The following TENM2 variants were observed in gnomAD, a reference collection of about 807,000 sequenced individuals.
TENM2 encodes teneurin-2.
TENM2 carries 52 observed loss-of-function variants against 245.2 expected under a neutral mutation model. The observed-to-expected ratio is 0.21, with a 90% CI of 0.17 to 0.27. The LOEUF (loss-of-function observed/expected upper bound fraction) is 0.27. TENM2 is among the 10% of genes least tolerant of loss of function. TENM2 has a pLI of 1.00. For missense variants in TENM2, 3,046 were observed against 3,666.8 expected (o/e 0.83, Z 4.37); for synonymous variants, 1,363 against 1,438.9 (o/e 0.95, Z 1.19).
At chr5:167,755,056 G>A in intron 2 of TENM2, 1 of 1,597,546 alleles carries the variant, frequency 6.3e-7, no homozygotes, top group Non-Finnish European at 8.5e-7. Context: ...TTACGCCGAT[G>A]GTGAGCCCAC....
rs1766972035 is a variant in TENM2 at position 168,250,107 on chromosome 5, GAT to G, written c.7432+1737_7432+1738del. ...GGATGGCTGGCTGGCTGGATGAGTG[GAT>G]GGATGGATGGATGGATGGATGGATG... On this transcript the variant is annotated intron_variant, in intron 27 of 28. Coordinates refer to ENST00000518659, the Ensembl canonical transcript of TENM2. Among the ~76,000 whole-genome samples the G allele has an allele frequency of 4.0e-3, 7 of 1,768 alleles. No homozygotes were observed. The East Asian group carries it at 0.067, about 17-fold the overall frequency. 1.2% of individuals were successfully genotyped at this position (1,768 alleles called of 152,430 possible).
chr5:167,042,211 T>C, the TENM2 span, among the ~76,000 whole-genome samples: 1 of 152,250 alleles, frequency 6.6e-6, no homozygotes, highest in Non-Finnish European at 1.5e-5. Flanking sequence ...ATTATAGTAG[T>C]GTTCCTTTCG....
At chr5:168,198,818 C>G in intron 15 of TENM2, 35 bp from the exon 18 acceptor site, 2 of 1,602,748 alleles carry the variant, frequency 1.2e-6, no homozygotes, top group African/African-American at 1.3e-5. Context: ...AAAAGTGAGT[C>G]TACCCCCTCA....
At chr5:168,061,400 A>C (rs1449730993) in intron 6 of TENM2, among the ~76,000 whole-genome samples, 1 of 152,166 alleles carries the variant, frequency 6.6e-6, no homozygotes, top group Non-Finnish European at 1.5e-5. Flanking sequence ...TTAAAAATAG[A>C]TATTTTTGGA....
the TENM2 span, among the ~76,000 whole-genome samples, chr5:167,163,565 G>A: frequency 6.6e-5 from 10 of 151,640 alleles, no homozygotes; most frequent in African/African-American, 2.4e-4. Flanking sequence ...CTGGACTTCT[G>A]TATCCTATCC....
intron 13 of TENM2, among the ~76,000 whole-genome samples, chr5:168,189,224 T>A (rs969357248): frequency 6.6e-6 from 1 of 152,216 alleles, no homozygotes; most frequent in Admixed American, 6.5e-5. Flanking sequence ...GTTTTCAACA[T>A]TGAACTTCGA....
At chr5:167,086,835 C>T in the TENM2 span, among the ~76,000 whole-genome samples, 1 of 151,814 alleles carries the variant, frequency 6.6e-6, no homozygotes, top group Non-Finnish European at 1.5e-5. Flanking sequence ...ACATAGTAAT[C>T]ATAATCCCTT....
rs184300394 is a variant in TENM2, at chr5:167,871,971, A to G, written c.503-4015A>G. On this transcript the variant is annotated intron_variant, in intron 2 of 28. Transcript: ENST00000518659. ...GGGGGAAAATGTAGCATAAGTGAAC[A>G]AAATTAGCAAATGACATAGCAAACA... Among the ~76,000 whole-genome samples the G allele has an allele frequency of 2.0e-5, 3 of 152,214 alleles. No homozygotes were observed. The East Asian group carries it at 5.8e-4, about 29-fold the overall frequency.
chr5:167,517,039 G>T (rs1209710466), intron 2 of TENM2, among the ~76,000 whole-genome samples: 1 of 152,214 alleles, frequency 6.6e-6, no homozygotes, highest in Non-Finnish European at 1.5e-5. Flanking sequence ...TAAAAAATGT[G>T]TACGAGAAAG....
chr5:167,580,756 G>T (rs538119120), intron 2 of TENM2, among the ~76,000 whole-genome samples: 18 of 152,222 alleles, frequency 1.2e-4, no homozygotes, highest in African/African-American at 3.9e-4. Context: ...TCGGGAGGCC[G>T]AGGTGGGCGG....
At chr5:167,071,878 G>GGCCCCCCCCCCCCCC in the TENM2 span, among the ~76,000 whole-genome samples, 1 of 124,026 alleles carries the variant, frequency 8.1e-6, no homozygotes, top group Non-Finnish European at 1.7e-5. Context: ...TTGACAAATC[G>GGCCCCCCCCCCCCCC]CCCCCCCCCG....
the TENM2 span, among the ~76,000 whole-genome samples, chr5:167,026,009 A>C: frequency 1.6e-3 from 242 of 152,264 alleles, no homozygotes; most frequent in African/African-American, 5.4e-3. Flanking sequence ...TTTCATCCCT[A>C]TCCTTTTTTC....
At chr5:167,377,191 T>C (rs1433415150) in intron 2 of TENM2, among the ~76,000 whole-genome samples, 1 of 152,204 alleles carries the variant, frequency 6.6e-6, no homozygotes, top group Non-Finnish European at 1.5e-5. Flanking sequence ...CATCATATAT[T>C]TGGTAGACCA....
intron 7 of TENM2, among the ~76,000 whole-genome samples, chr5:168,079,397 CT>C (rs1405127885): frequency 2.6e-5 from 4 of 152,066 alleles, no homozygotes; most frequent in African/African-American, 7.2e-5. Context: ...TTGACTTCCT[CT>C]TTTCCTAATT....
intron 2 of TENM2, among the ~76,000 whole-genome samples, chr5:167,582,957 GA>G (rs1775197843): frequency 6.6e-6 from 1 of 152,102 alleles, no homozygotes; most frequent in African/African-American, 2.4e-5. Flanking sequence ...AAATGTATTA[GA>G]AAATTGTGAT....
At chr5:167,548,446 C>T (rs1208547758) in intron 2 of TENM2, among the ~76,000 whole-genome samples, 2 of 152,002 alleles carry the variant, frequency 1.3e-5, no homozygotes, top group African/African-American at 4.8e-5. Context: ...TCTTTGAATT[C>T]ACAAAGCTAA....
chr5:167,399,332 G>A (rs950578242), intron 2 of TENM2, among the ~76,000 whole-genome samples: 12 of 152,156 alleles, frequency 7.9e-5, no homozygotes, highest in African/African-American at 2.7e-4. Context: ...AGGAGCGAGC[G>A]AGAGATGTGG....
intron 27 of TENM2, among the ~76,000 whole-genome samples, chr5:168,250,244 G>A (rs1766999334): frequency 6.6e-6 from 1 of 152,014 alleles, no homozygotes; most frequent in Non-Finnish European, 1.5e-5. Flanking sequence ...GTGTGGATGG[G>A]AGGATGAATG....
At chr5:166,984,330 C>G in the TENM2 span, among the ~76,000 whole-genome samples, 1 of 151,886 alleles carries the variant, frequency 6.6e-6, no homozygotes, top group Non-Finnish European at 1.5e-5. Flanking sequence ...GATAATATAC[C>G]GATTCTAAAT....
Sources: gnomAD v4.1 joint callset for allele counts (sites outside exome capture counted in the v4.1 genomes callset) on GRCh38, gnomAD v4.1.1 for gene constraint, MANE v1.5 for transcripts, NCBI Gene and HGNC (gene_info 2026-07-23, HGNC 2026-07-21) for gene names.